The following PCF11 variants were observed in gnomAD, a reference collection of about 807,000 sequenced individuals.
PCF11 encodes pre-mRNA cleavage complex 2 protein Pcf11.
In PCF11, 19 loss-of-function variants were observed where a neutral mutation model predicts 166.1. The observed-to-expected ratio is 0.11, with a 90% confidence interval of 0.08 to 0.17. The LOEUF is 0.17. PCF11 is among the 10% of genes least tolerant of loss of function. PCF11 has a pLI of 1.00. For missense variants in PCF11, 1,565 were observed against 1,855.5 expected (o/e 0.84, Z 2.88); for synonymous variants, 663 against 644.1 (o/e 1.03, Z -0.44).
chr11:83,161,415 A>C (rs2135416465), exon 2 of PCF11: 1 of 1,601,990 alleles, frequency 6.2e-7, no homozygotes, highest in African/African-American at 1.3e-5. Flanking sequence ...GCCTTTACTA[A>C]AAATCTAGTT....
At chr11:83,183,917 C>T (rs1424784248) in intron 15 of PCF11, among the ~76,000 whole-genome samples, 3 of 151,446 alleles carry the variant, frequency 2.0e-5, no homozygotes, top group Non-Finnish European at 2.9e-5. Context: ...TTTGGGAGGC[C>T]GAGGCGAGTG....
intron 2 of PCF11, among the ~76,000 whole-genome samples, chr11:83,162,736 C>A (rs2135418243): frequency 6.6e-6 from 1 of 152,258 alleles, no homozygotes; most frequent in Non-Finnish European, 1.5e-5. Flanking sequence ...ACTCAGTTTT[C>A]CCAAGTCCTA....
At chr11:83,179,728 ATGTCTCTACTAGAACC>A (rs1331245796) in intron 11 of PCF11, among the ~76,000 whole-genome samples, 1 of 151,896 alleles carries the variant, frequency 6.6e-6, no homozygotes, top group Non-Finnish European at 1.5e-5. Context: ...ACATGGTAAC[ATGTCTCTACTAGAACC>A]TGTCTCTACT....
chr11:83,157,928 G>A, intron 1 of PCF11: 1 of 361,882 alleles, frequency 2.8e-6, no homozygotes, highest in Non-Finnish European at 5.1e-6. Flanking sequence ...TTGGGGTGGG[G>A]GAGACTTAAA....
exon 16 of PCF11, chr11:83,185,601 ATT>A (rs141819514): frequency 6.6e-6 from 1 of 151,068 alleles, no homozygotes; most frequent in African/African-American, 2.4e-5. Context: ...ACTAAAGGTG[ATT>A]TTTTTTTTAA....
At chr11:83,182,249 A>G in intron 13 of PCF11, 150 bp from the exon 14 acceptor site, 2 of 575,370 alleles carry the variant, frequency 3.5e-6, no homozygotes, top group Non-Finnish European at 3.0e-6. Context: ...CCATAAATGT[A>G]TTTTGAATCA....
At chr11:83,157,192 A>T (rs1351650674) in exon 1 of PCF11, 1 of 574,934 alleles carries the variant, frequency 1.7e-6, no homozygotes, top group Non-Finnish European at 3.1e-6. Context: ...TGCCGCCGCC[A>T]TTTTGTGTCT....
chr11:83,170,862 G>A (rs2135431085), intron 8 of PCF11, among the ~76,000 whole-genome samples: 1 of 152,302 alleles, frequency 6.6e-6, no homozygotes, highest in Middle Eastern at 3.4e-3. Flanking sequence ...ATTATTGATA[G>A]AAAGTAGTCC....
At chr11:83,161,671 A>T (rs117837538) in intron 2 of PCF11, among the ~76,000 whole-genome samples, 1 of 152,314 alleles carries the variant, frequency 6.6e-6, no homozygotes, top group Non-Finnish European at 1.5e-5. Context: ...TTAAGAATAG[A>T]TGGATTTGCT....
At chr11:83,177,268 A>G in intron 10 of PCF11, 64 bp downstream of exon 10, 1 of 1,220,852 alleles carries the variant, frequency 8.2e-7, no homozygotes, top group South Asian at 1.8e-5. Context: ...TGTATGATGT[A>G]ATATAATGAT....
intron 8 of PCF11, 53 bp from the exon 9 acceptor site, chr11:83,171,765 G>A (rs1278972945): frequency 2.2e-6 from 2 of 924,556 alleles, no homozygotes; most frequent in South Asian, 1.3e-5. Flanking sequence ...GATGTTAAAA[G>A]TTTTACTTGA....
chr11:83,184,622 A>G, intron 15 of PCF11, 57 bp from the exon 16 acceptor site: 1 of 1,171,698 alleles, frequency 8.5e-7, no homozygotes, highest in Admixed American at 1.9e-5. Flanking sequence ...ACTAAATGTT[A>G]TTTAATGTGA....
exon 5 of PCF11, chr11:83,166,103 A>G: frequency 1.2e-6 from 2 of 1,611,120 alleles, no homozygotes; most frequent in Non-Finnish European, 1.7e-6. Flanking sequence ...AGAGAGATCC[A>G]AGATTAAAAA....
chr11:83,183,094 G>C (rs1194881222), intron 15 of PCF11, 21 bp downstream of exon 15: 1 of 1,356,368 alleles, frequency 7.4e-7, no homozygotes, highest in Admixed American at 2.2e-5. Context: ...TTTGGTTACT[G>C]TATTTGTTCT....
At chr11:83,180,267 T>C (rs1247658187) in intron 11 of PCF11, 1 of 152,140 alleles carries the variant, frequency 6.6e-6, no homozygotes, top group Non-Finnish European at 1.5e-5. Context: ...TTTGTATTTT[T>C]AGTAGGGACA....
chr11:83,164,049 T>G (rs962042130), intron 3 of PCF11, among the ~76,000 whole-genome samples, 158 bp from the exon 4 acceptor site: 8 of 152,208 alleles, frequency 5.3e-5, no homozygotes, highest in African/African-American at 1.9e-4. Flanking sequence ...TCACCTTGTT[T>G]AGGTATTATG....
At chr11:83,181,790 G>T in intron 12 of PCF11, 64 bp from the exon 13 acceptor site, 1 of 1,171,832 alleles carries the variant, frequency 8.5e-7, no homozygotes, top group South Asian at 1.6e-5. Flanking sequence ...GCATTATATT[G>T]AAGATACACA....
intron 10 of PCF11, 56 bp downstream of exon 10, chr11:83,177,260 T>C: frequency 1.6e-6 from 2 of 1,279,866 alleles, no homozygotes; most frequent in Non-Finnish European, 2.1e-6. Flanking sequence ...TTTTGAGATG[T>C]ATGATGTAAT....
chr11:83,157,150 A>C (rs1860014645), exon 1 of PCF11: 1 of 567,400 alleles, frequency 1.8e-6, no homozygotes, highest in Non-Finnish European at 3.1e-6. Flanking sequence ...AGCGGTTGGG[A>C]ACACAGACAT....
Sources: allele counts gnomAD v4.1 joint callset (sites outside exome capture counted in the v4.1 genomes callset), GRCh38; gene constraint gnomAD v4.1.1; transcripts MANE v1.5; gene names NCBI Gene and HGNC (gene_info 2026-07-23, HGNC 2026-07-21).